RNF213: variants seen among roughly 807,000 people sequenced by gnomAD.
RNF213 encodes ring finger protein 213.
In RNF213, 341 loss-of-function variants were observed where a neutral mutation model predicts 514.4. The observed-to-expected ratio is 0.66, with a 90% confidence interval of 0.61 to 0.73. RNF213 has a LOEUF of 0.73. RNF213 is among the 30% of genes least tolerant of loss of function. The pLI, the probability that RNF213 is intolerant of heterozygous loss-of-function variation, is 0.00. For synonymous variants in RNF213, 2,655 were observed against 2,658.2 expected, an observed-to-expected ratio of 1.00 and a Z score of 0.04; for missense variants, 5,767 against 6,615.6, an observed-to-expected ratio of 0.87 and a Z score of 4.45.
chr17:80,268,452 G>A (rs1173308524), intron 2 of RNF213, among the ~76,000 whole-genome samples: 3 of 151,930 alleles, frequency 2.0e-5, no homozygotes, highest in Admixed American at 2.0e-4. Flanking sequence ...GCAGGGGTGG[G>A]GATTCCCATT....
At chr17:80,376,841 G>C in intron 52 of RNF213, 41 bp from the exon 53 acceptor site, 1 of 1,562,072 alleles carries the variant, frequency 6.4e-7, no homozygotes, top group Non-Finnish European at 8.8e-7. Context: ...CAGGTGACAA[G>C]CTCACTTATC....
rs1183685757 is a variant in RNF213 at position 80,377,719 on chromosome 17, G to T, written c.13511-43G>T. The T allele has an allele frequency of 6.2e-7, 1 of 1,612,168 alleles. No homozygotes were observed. Among genetic ancestry groups the T allele is most frequent in the South Asian group, 1.1e-5 (1 of 91,048 alleles). On this transcript the variant is annotated intron_variant, in intron 53 of 67. Coordinates refer to ENST00000582970, the MANE Select transcript of RNF213 (RefSeq NM_001256071.3). This position sits in a 1 kb window ranked among gnomAD's most constrained non-coding sequence, Gnocchi z 4.1. ...TTTCCCTTTTCAATGTGGGTCATTG[G>T]GTGAAACCTCATTAGCCAATGTGTG...
chr17:80,290,423 G>A (rs1051367709), intron 6 of RNF213, 147 bp from the exon 7 acceptor site: 16 of 921,494 alleles, frequency 1.7e-5, no homozygotes, highest in African/African-American at 9.9e-5. Flanking sequence ...GCGTGTGTGC[G>A]AGTGTGCGCG....
At chr17:80,333,262 G>A (rs1181593992) in intron 21 of RNF213, among the ~76,000 whole-genome samples, 12 of 149,664 alleles carry the variant, frequency 8.0e-5, no homozygotes, top group Admixed American at 1.3e-4. Context: ...GGGTTTCACC[G>A]TGTTAGCCAG....
Position 80,363,680 on chromosome 17 carries a change from G to A in RNF213, c.11640G>A (p.Gln3880=). 1.2e-6 allele frequency: 2 copies of A among 1,614,118 alleles called. No homozygotes were observed. The highest frequency in any genetic ancestry group is 1.3e-5 in the African/African-American group (1 of 75,052). ...LTRNTLKPSP[Q]AWLQLVKNLS... ...GAAACACCCTGAAGCCCAGTCCCCAGGCGTGGCTACAGTTGGTGAAGAATC... is the reference window on the plus strand; with the variant it reads ...GAAACACCCTGAAGCCCAGTCCCCAAGCGTGGCTACAGTTGGTGAAGAATC... The change falls in exon 41 of 68, where the codon CAG becomes CAA. Residue 3880 remains glutamine, a synonymous_variant. Coordinates refer to ENST00000582970, the MANE Select transcript of RNF213 (RefSeq NM_001256071.3).
chr17:80,309,261 C>T (rs542624097), intron 14 of RNF213, 90 bp downstream of exon 14: 26 of 1,479,218 alleles, frequency 1.8e-5, no homozygotes, highest in Admixed American at 3.4e-5. Flanking sequence ...GACTGATTCC[C>T]GGGTGCTGGG....
intron 29 of RNF213, 129 bp downstream of exon 29, chr17:80,348,415 C>A: frequency 7.6e-7 from 1 of 1,314,980 alleles, no homozygotes; most frequent in Non-Finnish European, 1.1e-6. Context: ...AGACGCTGAG[C>A]TCTCCTCCGC....
At chr17:80,359,694 A>G (rs929093981) in intron 37 of RNF213, among the ~76,000 whole-genome samples, 9 of 152,324 alleles carry the variant, frequency 5.9e-5, no homozygotes, top group African/African-American at 2.2e-4. Flanking sequence ...TTAAAAGACA[A>G]GGCGCTGCTG....
At chr17:80,330,128 A>G (rs2046374315) in intron 20 of RNF213, among the ~76,000 whole-genome samples, 1 of 152,134 alleles carries the variant, frequency 6.6e-6, no homozygotes, top group Non-Finnish European at 1.5e-5. Context: ...ATGTAGAGGA[A>G]TTCTTTTTCT....
At chr17:80,272,305 TA>T (rs748241428) in intron 2 of RNF213, among the ~76,000 whole-genome samples, 1 of 151,698 alleles carries the variant, frequency 6.6e-6, no homozygotes, top group South Asian at 2.1e-4. Context: ...TAAAATAAAA[TA>T]AAAAAAGAAA....
At chr17:80,369,926 C>G (rs112893661) in intron 46 of RNF213, 59 bp downstream of exon 46, 3 of 1,178,800 alleles carry the variant, frequency 2.5e-6, no homozygotes, top group African/African-American at 1.5e-5. Context: ...TTCATCGCAG[C>G]GTTTTGTTAC....
rs763691569 is a variant in RNF213 at position 80,383,884 on chromosome 17, A to G, written c.14278A>G (p.Asn4760Asp). The change falls in exon 59 of 68, where the codon AAT (asparagine) becomes GAT (aspartate). Residue 4760 changes from asparagine to aspartate, a missense_variant. Transcript: ENST00000582970. ...CCTCCAGCACATTGTGGAACAGAAA[A>G]ATGGCAAAGAAAGAGTGCCCATCCT... ...EYLQHIVEQK[N>D]GKERVPILWH... is the part of the protein sequence containing the mutation. The G allele has an allele frequency of 1.7e-5, 28 of 1,614,070 alleles. No individual in the cohort carries two copies. Among genetic ancestry groups the G allele is most frequent in the Non-Finnish European group, 2.3e-5 (27 of 1,180,044 alleles).
intron 25 of RNF213, among the ~76,000 whole-genome samples, chr17:80,338,906 C>T (rs774291889): frequency 6.6e-5 from 10 of 150,392 alleles, no homozygotes; most frequent in Non-Finnish European, 1.2e-4. Flanking sequence ...CGAGATCACA[C>T]CACTGCACTC....
chr17:80,384,363 G>A (rs375967982), intron 59 of RNF213, among the ~76,000 whole-genome samples: 2 of 152,210 alleles, frequency 1.3e-5, no homozygotes, highest in Admixed American at 6.5e-5. Context: ...GTGTGCCGGC[G>A]GTGCTGGGGT....
chr17:80,315,618 GTCCGTGGAGGTGA>G (rs1167383181), intron 15 of RNF213: 3 of 13,872 alleles, frequency 2.2e-4, no homozygotes, highest in South Asian at 8.6e-4. Context: ...GGTGATGGTG[GTCCGTGGAGGTGA>G]TGGTGGTGGT....
intron 1 of RNF213, among the ~76,000 whole-genome samples, chr17:80,261,157 G>A (rs1218228438): frequency 2.0e-5 from 3 of 152,042 alleles, no homozygotes; most frequent in Non-Finnish European, 2.9e-5. Context: ...CTGGGACCCC[G>A]GCGACATCCC....
At position 80,343,812 on chromosome 17, in the gene RNF213, C is replaced by T. The variant is rs773524440; in HGVS notation, c.6184-45C>T. The T allele has an allele frequency of 1.9e-5, 31 of 1,606,792 alleles. No individual in the cohort carries two copies. Among genetic ancestry groups the T allele is most frequent in the East Asian group, 6.7e-5 (3 of 44,854 alleles). On this transcript the variant is annotated intron_variant, in intron 27 of 67. Transcript: ENST00000582970. This position sits in a 1 kb window ranked among gnomAD's most constrained non-coding sequence, Gnocchi z 4.3. ...GGGGTTACTTAGAGTTGGGAGAACTCGCCATCGTGTCGTGTGTTTACACCT... is the reference window on the plus strand; with the variant it reads ...GGGGTTACTTAGAGTTGGGAGAACTTGCCATCGTGTCGTGTGTTTACACCT...
In RNF213 at chr17:80,346,120, G is replaced by A; in HGVS notation, c.7785G>A (p.Gln2595=). The change falls in exon 29 of 68, where the codon CAG becomes CAA. Residue 2595 remains glutamine (Q), a synonymous_variant. Coordinates refer to ENST00000582970, the MANE Select transcript of RNF213 (RefSeq NM_001256071.3). The surrounding 1 kb of genome is among the most constrained non-coding windows in gnomAD (Gnocchi z 8.1). Reference sequence around the variant, plus strand: ...ACGTTGCTGAAAAGCTCTACATCCAGCAGATTGTCCAGAGACTGGTTGAGT... The same window carrying A: ...ACGTTGCTGAAAAGCTCTACATCCAACAGATTGTCCAGAGACTGGTTGAGT... The part of the protein sequence containing the change: ...LSDVAEKLYI[Q]QIVQRLVESI... The A allele has an allele frequency of 6.2e-7, 1 of 1,614,172 alleles. No individual in the cohort carries two copies. Among genetic ancestry groups the A allele is most frequent in the Non-Finnish European group, 8.5e-7 (1 of 1,180,034 alleles).
At position 80,346,384 on chromosome 17, in the gene RNF213, G is replaced by T; in HGVS notation, c.8049G>T (p.Trp2683Cys). ...KNHTERDPVL[W>C]SLMLAIGVCY... ...ACACCGAGAGAGATCCCGTCCTCTG[G>T]TCGTTGATGCTGGCCATCGGGGTGT... The change falls in exon 29 of 68, where the codon TGG becomes TGT. Residue 2683 changes from tryptophan (W) to cysteine (C), a missense_variant. Around this residue, in one of 13 missense-constraint regions of RNF213, gnomAD observed 1,377 missense variants for 1,635.2 expected, o/e 0.84. Coordinates refer to ENST00000582970, the MANE Select transcript of RNF213 (RefSeq NM_001256071.3). The surrounding 1 kb of genome is among the most constrained non-coding windows in gnomAD (Gnocchi z 8.1). The T allele has an allele frequency of 1.2e-6, 2 of 1,613,284 alleles. No individual in the cohort carries two copies. The highest frequency in any genetic ancestry group is 1.7e-6 in the Non-Finnish European group (2 of 1,179,974).
Sources: gnomAD v4.1 joint callset for allele counts (sites outside exome capture counted in the v4.1 genomes callset) on GRCh38, gnomAD v4.1.1 for gene constraint, gnomAD v4.1.1 regional missense constraint, Gnocchi (gnomAD v3.1) non-coding constraint, MANE v1.5 for transcripts, NCBI Gene and HGNC (gene_info 2026-07-23, HGNC 2026-07-21) for gene names.